The following MARCHF6 variants were observed in gnomAD, a reference collection of about 807,000 sequenced individuals.
MARCHF6 encodes E3 ubiquitin-protein ligase MARCHF6.
Under a neutral mutation model 133.7 loss-of-function variants are expected in MARCHF6, and 31 were observed. The observed-to-expected ratio is 0.23, with a 90% CI of 0.17 to 0.31. The LOEUF (loss-of-function observed/expected upper bound fraction) is 0.31. Among genes scored for constraint, MARCHF6 ranks in the 10% least tolerant of loss-of-function variants. MARCHF6 has a pLI of 1.00. For missense variants in MARCHF6, 723 were observed against 1,121.6 expected (o/e 0.64, Z 5.08); for synonymous variants, 395 against 402.5 (o/e 0.98, Z 0.22).
rs1205543732 is a variant in MARCHF6 at position 10,417,313 on chromosome 5, T to G, written c.2192T>G (p.Val731Gly). Residue 731 changes from valine (V) to glycine (G), a missense_variant, in exon 22 of 26, where the codon GTC becomes GGC. Physicochemically the swap from Val to Gly is moderately radical, Grantham distance 109. Around this residue, in one of 4 missense-constraint regions of MARCHF6, gnomAD observed 492 missense variants for 699.5 expected, o/e 0.70. Coordinates refer to ENST00000274140, the MANE Select transcript of MARCHF6 (RefSeq NM_005885.4). ...GTTGCGGTGCTGTTGGCTGGAGTTG[T>G]CCCTCTCCTTCTGGGGCTCCTGTTT... ...LIVAVLLAGV[V>G]PLLLGLLFEL... 6.2e-7 allele frequency: 1 copy of G among 1,614,114 alleles called. No homozygotes were observed.
chr5:10,408,422 G>A (rs905980766), intron 17 of MARCHF6, among the ~76,000 whole-genome samples: 21 of 152,150 alleles, frequency 1.4e-4, no homozygotes, highest in African/African-American at 4.6e-4. Flanking sequence ...TGCCATTGAG[G>A]CTCCCCTGAT....
chr5:10,421,149 C>T (rs577570441), intron 22 of MARCHF6, among the ~76,000 whole-genome samples: 1 of 152,160 alleles, frequency 6.6e-6, no homozygotes, highest in Non-Finnish European at 1.5e-5. Flanking sequence ...TTGGTACTAT[C>T]AAAGTTTAAA....
At chr5:10,387,124 C>G (rs1395294278) in intron 5 of MARCHF6, 58 bp downstream of exon 5, 22 of 1,232,998 alleles carry the variant, frequency 1.8e-5, no homozygotes, top group Non-Finnish European at 2.5e-5. Flanking sequence ...TTGCTTTTTT[C>G]CTTGCATATT....
chr5:10,402,070 T>A lies in MARCHF6; in HGVS notation c.984T>A (p.Ser328=). The A allele has an allele frequency of 1.2e-6, 2 of 1,603,092 alleles. 1 individual carries two copies. ...GLGFEEHVQA[S]HFEGLITTIV... ...TTTCTTATTTCCAGGTCCAAGCATC[T>A]CATTTTGAAGGCCTAATCACAACCA... is the stretch of plus-strand genomic sequence containing the variant. Residue 328 remains serine (S), a synonymous_variant, in exon 12 of 26, where the codon TCT becomes TCA. Coordinates refer to ENST00000274140, the MANE Select transcript of MARCHF6 (RefSeq NM_005885.4).
At chr5:10,399,396 G>A (rs1198479011) in intron 10 of MARCHF6, among the ~76,000 whole-genome samples, 1 of 151,920 alleles carries the variant, frequency 6.6e-6, no homozygotes, top group Non-Finnish European at 1.5e-5. Context: ...AGGGTTAGAG[G>A]CCAGATCCCT....
chr5:10,386,954 G>A (rs78381039), intron 4 of MARCHF6, 40 bp from the exon 5 acceptor site: 10 of 1,506,126 alleles, frequency 6.6e-6, no homozygotes, highest in Non-Finnish European at 9.2e-6. Flanking sequence ...AATTCATGAT[G>A]CGAGTTGTGA....
At chr5:10,399,297 A>T (rs1014745997) in intron 10 of MARCHF6, among the ~76,000 whole-genome samples, 5 of 151,952 alleles carry the variant, frequency 3.3e-5, no homozygotes, top group African/African-American at 1.2e-4. Flanking sequence ...ATATGTTAGT[A>T]AACTAATACG....
intron 3 of MARCHF6, among the ~76,000 whole-genome samples, chr5:10,380,463 G>A (rs1028623758): frequency 2.0e-5 from 3 of 152,160 alleles, no homozygotes; most frequent in African/African-American, 7.2e-5. Flanking sequence ...CTTTTACTTT[G>A]AGGCCAATAG....
rs557853531 is a variant in MARCHF6 at position 10,430,082 on chromosome 5, A to G, written c.2642+54A>G. 7.5e-5 allele frequency: 116 copies of G among 1,546,526 alleles called. 1 individual carries two copies. In the South Asian group the frequency reaches 1.3e-3, roughly 17 times the overall value. ...TTTAAGTGTTTTCACTTCTTAATTTATGTATCTGATGTGACAAATCATAGG... is the reference window on the plus strand; with the variant it reads ...TTTAAGTGTTTTCACTTCTTAATTTGTGTATCTGATGTGACAAATCATAGG... On this transcript the variant is annotated intron_variant, in intron 25 of 25. Coordinates refer to ENST00000274140, the MANE Select transcript of MARCHF6 (RefSeq NM_005885.4).
chr5:10,381,100 T>A (rs535320966), intron 3 of MARCHF6, among the ~76,000 whole-genome samples: 1 of 152,318 alleles, frequency 6.6e-6, no homozygotes, highest in East Asian at 1.9e-4. Flanking sequence ...TTTTCCTTTA[T>A]GTTCTTTCCG....
At chr5:10,381,588 TTGTTGATTTC>T (rs1283977212) in intron 3 of MARCHF6, among the ~76,000 whole-genome samples, 1 of 152,202 alleles carries the variant, frequency 6.6e-6, no homozygotes, top group African/African-American at 2.4e-5. Context: ...CCAGAGGCCT[TTGTTGATTTC>T]CACGTTTCAC....
intron 9 of MARCHF6, among the ~76,000 whole-genome samples, chr5:10,396,123 C>T (rs921705779): frequency 2.0e-5 from 3 of 152,098 alleles, no homozygotes; most frequent in Non-Finnish European, 4.4e-5. Context: ...GTATAGTGTG[C>T]CAGCTATTGT....
Position 10,412,561 on chromosome 5 carries a change from GCAGA to G in MARCHF6, c.1896+1025_1896+1028del, listed in dbSNP as rs1739291149. 6.6e-5 allele frequency among the ~76,000 whole-genome samples: 10 copies of G among 152,214 alleles called. 1 individual carries two copies. In the South Asian group the frequency reaches 2.1e-3, roughly 32 times the overall value. On this transcript the variant is annotated intron_variant, in intron 19 of 25. Coordinates refer to ENST00000274140, the MANE Select transcript of MARCHF6 (RefSeq NM_005885.4). Reference sequence around the variant, plus strand: ...CATTAGGCATGGTGGGCTTAGAATTGCAGATAAGAGAGTTGTGTTGTTTTGTTTT... The same window carrying G: ...CATTAGGCATGGTGGGCTTAGAATTGTAAGAGAGTTGTGTTGTTTTGTTTT...
At position 10,430,083 on chromosome 5, in the gene MARCHF6, T is replaced by C. The variant is rs759667665; in HGVS notation, c.2642+55T>C. On this transcript the variant is annotated intron_variant, in intron 25 of 25. Transcript: ENST00000274140. Reference sequence around the variant, plus strand: ...TTAAGTGTTTTCACTTCTTAATTTATGTATCTGATGTGACAAATCATAGGA... The same window carrying C: ...TTAAGTGTTTTCACTTCTTAATTTACGTATCTGATGTGACAAATCATAGGA... The C allele has an allele frequency of 3.5e-5, 54 of 1,548,164 alleles. No homozygotes were observed. In the South Asian group the frequency reaches 6.2e-4, roughly 18 times the overall value.
chr5:10,363,078 C>G (rs1247925275), intron 1 of MARCHF6, among the ~76,000 whole-genome samples: 1 of 151,986 alleles, frequency 6.6e-6, no homozygotes, highest in East Asian at 1.9e-4. Context: ...AAACCTAAAA[C>G]TATGAAACTT....
intron 16 of MARCHF6, among the ~76,000 whole-genome samples, chr5:10,405,935 A>G (rs1438403546): frequency 2.6e-5 from 4 of 152,162 alleles, no homozygotes; most frequent in East Asian, 1.9e-4. Context: ...CCTAGCCCCC[A>G]TGTTTTGGCT....
intron 1 of MARCHF6, among the ~76,000 whole-genome samples, chr5:10,362,006 G>T (rs1186963010): frequency 6.6e-6 from 1 of 151,940 alleles, no homozygotes; most frequent in Non-Finnish European, 1.5e-5. Flanking sequence ...CAGGTGATCC[G>T]CCCACCTCGG....
At chr5:10,354,831 TGCGATTTTG>T (rs1411566913) in intron 1 of MARCHF6, among the ~76,000 whole-genome samples, 1 of 152,228 alleles carries the variant, frequency 6.6e-6, no homozygotes, top group Non-Finnish European at 1.5e-5. Flanking sequence ...CCTTATGGGT[TGCGATTTTG>T]GCGATTTTAA....
chr5:10,376,656 G>A (rs1312428538), intron 1 of MARCHF6, among the ~76,000 whole-genome samples: 1 of 152,194 alleles, frequency 6.6e-6, no homozygotes, highest in Non-Finnish European at 1.5e-5. Flanking sequence ...GGATTGCCCA[G>A]CTGGTTAGCA....
Sources: gnomAD v4.1 joint callset for allele counts (sites outside exome capture counted in the v4.1 genomes callset) on GRCh38, gnomAD v4.1.1 for gene constraint, gnomAD v4.1.1 regional missense constraint, MANE v1.5 for transcripts, NCBI Gene and HGNC (gene_info 2026-07-23, HGNC 2026-07-21) for gene names.